Variants in PRSS56 observed in about 807,000 individuals in gnomAD.
PRSS56 encodes protease, serine 56.
Under a neutral mutation model 66.8 loss-of-function variants are expected in PRSS56, and 55 were observed. The ratio of observed to expected loss-of-function variants is 0.82; its 90% CI spans 0.66 to 1.03. PRSS56 has a LOEUF of 1.03. Ranked by LOEUF, PRSS56 falls within the 50% of genes least tolerant of loss-of-function variation. PRSS56 has a pLI of 0.00. For synonymous variants in PRSS56, 409 were observed against 387.9 expected (o/e 1.05, Z -0.64); for missense variants, 869 against 837.2 (o/e 1.04, Z -0.47).
chr2:232,523,704 C>T, intron 8 of PRSS56, 68 bp from the exon 9 acceptor site: 5 of 1,527,302 alleles, frequency 3.3e-6, no homozygotes, highest in East Asian at 2.5e-5. Flanking sequence ...TGTCTCCTTC[C>T]GGGGAAGGAG....
chr2:232,522,480 T>A, intron 4 of PRSS56, 35 bp from the exon 5 acceptor site: 1 of 1,506,020 alleles, frequency 6.6e-7, no homozygotes, highest in Non-Finnish European at 8.9e-7. Context: ...TGTGCCCCTG[T>A]CCTTCCTGCG....
chr2:232,523,523 CG>C lies in PRSS56; in HGVS notation c.961del (p.Val321SerfsTer16), dbSNP rs779695467. On this transcript the variant is annotated frameshift_variant, in exon 8 of 13. Coordinates refer to ENST00000617714, the MANE Select transcript of PRSS56 (RefSeq NM_001195129.2). LOFTEE classifies it high-confidence loss of function. Reference sequence around the variant, plus strand: ...ACGGCTGCGGGGAGCCAGGGAAGCCCGGGGTCTACACCCGCGTGGCAGTGTT... The same window carrying C: ...ACGGCTGCGGGGAGCCAGGGAAGCCCGGGTCTACACCCGCGTGGCAGTGTT... ...GDGCGEPGKP[G>X]VYTRVAVFKD... The C allele has an allele frequency of 1.9e-5, 29 of 1,532,822 alleles. No homozygotes were observed. The highest frequency in any genetic ancestry group is 1.8e-4 in the Middle Eastern group (1 of 5,574). The allele number at this position is 1,532,822 out of a possible 1,614,324, so 95.0% of individuals were successfully genotyped here.
At position 232,525,290 on chromosome 2, in the gene PRSS56, G is replaced by A. The variant is rs754483534; in HGVS notation, c.1596G>A (p.Arg532=). ...GGGTGCGGGCAGGCTTGGGGGGCCG[G>A]CATGTGGCCTTCAGCGGCCTGGTGG... ...RAWVRAGLGG[R]HVAFSGLVGL... Residue 532 remains arginine, a synonymous_variant, in exon 13 of 13, where the codon CGG becomes CGA. Transcript: ENST00000617714. 223 of 1,522,700 alleles carry A rather than the reference G, an allele frequency of 1.5e-4. No homozygotes were observed. Among genetic ancestry groups the A allele is most frequent in the Non-Finnish European group, 1.7e-4 (196 of 1,138,574 alleles). 94.3% of individuals were successfully genotyped at this position (1,522,700 alleles called of 1,614,324 possible).
chr2:232,520,504 G>C lies in PRSS56; in HGVS notation c.-95G>C. On this transcript the variant is annotated 5_prime_UTR_variant, in exon 1 of 13. Coordinates refer to ENST00000617714, the MANE Select transcript of PRSS56 (RefSeq NM_001195129.2). Reference sequence around the variant, plus strand: ...AGAATTCAGTGCCCGGGGGCCGAAAGGCAGCAGAAGGCGGGCACCAAAGGA... The same window carrying C: ...AGAATTCAGTGCCCGGGGGCCGAAACGCAGCAGAAGGCGGGCACCAAAGGA... 1.0e-6 allele frequency: 1 copy of C among 979,330 alleles called. No homozygotes were observed. Among genetic ancestry groups the C allele is most frequent in the South Asian group, 1.4e-5 (1 of 72,968 alleles). 60.7% of individuals were successfully genotyped at this position (979,330 alleles called of 1,614,324 possible).
chr2:232,520,760 C>A, intron 1 of PRSS56, 65 bp downstream of exon 1: 1 of 1,095,916 alleles, frequency 9.1e-7, no homozygotes, highest in Non-Finnish European at 1.3e-6. Context: ...GGACCCTGGG[C>A]GGGCGGGGAC....
intron 1 of PRSS56, among the ~76,000 whole-genome samples, chr2:232,521,073 A>T (rs1373755673): frequency 6.6e-6 from 1 of 152,246 alleles, no homozygotes; most frequent in African/African-American, 2.4e-5. Context: ...TCTTTAAAAA[A>T]AATTGTTAAG....
In PRSS56 at chr2:232,523,220, T is replaced by C; in HGVS notation, c.849+18T>C. The C allele has an allele frequency of 1.4e-6, 2 of 1,436,124 alleles. No homozygotes were observed. Among genetic ancestry groups the C allele is most frequent in the South Asian group, 2.9e-5 (2 of 68,196 alleles). 89.0% of individuals were successfully genotyped at this position (1,436,124 alleles called of 1,614,324 possible). A position where few individuals can be genotyped will look rare whatever the true frequency, so the allele number is the denominator to read the frequency against. ...CGTGCCAGGTATGAACCCAGTCTGA[T>C]GAGAAAAGGCCGGCTGAGCCTTCCC... On this transcript the variant is annotated intron_variant, in intron 7 of 12. Transcript: ENST00000617714.
intron 2 of PRSS56, 97 bp from the exon 3 acceptor site, chr2:232,521,719 C>T (rs1160279761): frequency 7.3e-6 from 9 of 1,234,474 alleles, no homozygotes; most frequent in South Asian, 1.4e-5. Context: ...GAGGGCTGAG[C>T]GCGAAAGGAG....
At chr2:232,523,731 CCAAA>C (rs1371349037) in intron 8 of PRSS56, 37 bp from the exon 9 acceptor site, 1 of 1,533,432 alleles carries the variant, frequency 6.5e-7, no homozygotes, top group African/African-American at 1.4e-5. Context: ...GGCTAGGGCC[CCAAA>C]CAGAGGGTGA....
intron 8 of PRSS56, 93 bp downstream of exon 8, chr2:232,523,671 C>A: frequency 1.3e-6 from 2 of 1,515,272 alleles, no homozygotes; most frequent in Admixed American, 2.0e-5. Flanking sequence ...CCATTCCCAG[C>A]TCCCTTCTGC....
Position 232,521,314 on chromosome 2 carries a change from CCAG to C in PRSS56, c.98-3_98-1del. ...CACGCATGATTGTGTGCCCCCTGTCCCAGCAGTTCTGTCGGCCCAGGGGACTCA... is the reference window on the plus strand; with the variant it reads ...CACGCATGATTGTGTGCCCCCTGTCCCAGTTCTGTCGGCCCAGGGGACTCA... On this transcript the variant is annotated splice_polypyrimidine_tract_variant and splice_region_variant and intron_variant, in intron 1 of 12. Coordinates refer to ENST00000617714, the MANE Select transcript of PRSS56 (RefSeq NM_001195129.2). The C allele has an allele frequency of 6.5e-7, 1 of 1,534,304 alleles. No homozygotes were observed.
rs1297628742 is a variant in PRSS56, at chr2:232,520,552, CGAG to C, written c.-40_-38del. The stretch of plus-strand genomic sequence containing the variant: ...GGATAGGCACCCGGAAGGTGGACTC[CGAG>C]GAGGAGAGAGGACAGGGGTCTCTCA... On this transcript the variant is annotated 5_prime_UTR_variant, in exon 1 of 13. Transcript: ENST00000617714. 2 of 1,474,604 alleles carry C rather than the reference CGAG, an allele frequency of 1.4e-6. No individual in the cohort carries two copies. Among genetic ancestry groups the C allele is most frequent in the South Asian group, 2.4e-5 (2 of 82,790 alleles). 91.3% of individuals were successfully genotyped at this position (1,474,604 alleles called of 1,614,324 possible).
At position 232,525,518 on chromosome 2, in the gene PRSS56, G is replaced by C; in HGVS notation, c.*12G>C. 1 of 1,348,962 alleles carries C rather than the reference G, an allele frequency of 7.4e-7. No individual in the cohort carries two copies. The highest frequency in any genetic ancestry group is 9.6e-7 in the Non-Finnish European group (1 of 1,038,932). The allele number at this position is 1,348,962 out of a possible 1,614,324, so 83.6% of individuals were successfully genotyped here. A position where few individuals can be genotyped will look rare whatever the true frequency, so the allele number is the denominator to read the frequency against. ...CCAGGCAACCCTGAGCCATGTCTGGGCCCCCAGCCCCTGGGGAGGACCTAC... is the reference window on the plus strand; with the variant it reads ...CCAGGCAACCCTGAGCCATGTCTGGCCCCCCAGCCCCTGGGGAGGACCTAC... On this transcript the variant is annotated 3_prime_UTR_variant, in exon 13 of 13. Coordinates refer to ENST00000617714, the MANE Select transcript of PRSS56 (RefSeq NM_001195129.2).
At position 232,524,732 on chromosome 2, in the gene PRSS56, C is replaced by A. The variant is rs1422316852; in HGVS notation, c.1415-6C>A. 7 of 1,512,766 alleles carry A rather than the reference C, an allele frequency of 4.6e-6. No homozygotes were observed. Among genetic ancestry groups the A allele is most frequent in the Non-Finnish European group, 6.2e-6 (7 of 1,129,684 alleles). 93.7% of individuals were successfully genotyped at this position (1,512,766 alleles called of 1,614,324 possible). ...ATTATTCCCGGGGCCTCTCCTCTTC[C>A]TCCAGGCTGCCCTGGGCTGGAGCCC... On this transcript the variant is annotated splice_polypyrimidine_tract_variant and splice_region_variant and intron_variant, in intron 11 of 12. Transcript: ENST00000617714.
chr2:232,524,609 T>C (rs1159659800), intron 11 of PRSS56, 129 bp from the exon 12 acceptor site: 2 of 747,750 alleles, frequency 2.7e-6, no homozygotes, highest in Non-Finnish European at 4.2e-6. Flanking sequence ...GAGCCTCAGT[T>C]TCCCCACCTA....
chr2:232,521,724 A>AT, intron 2 of PRSS56, 92 bp from the exon 3 acceptor site: 1 of 1,303,876 alleles, frequency 7.7e-7, no homozygotes, highest in Non-Finnish European at 1.1e-6. Flanking sequence ...CTGAGCGCGA[A>AT]AGGAGAGATG....
At chr2:232,523,982 A>G (rs2106202302) in intron 9 of PRSS56, 37 bp downstream of exon 9, 1 of 1,522,150 alleles carries the variant, frequency 6.6e-7, no homozygotes, top group Non-Finnish European at 8.8e-7. Flanking sequence ...CGGGGGGCAG[A>G]GGGGAGGGGG....
Position 232,520,585 on chromosome 2 carries a change from A to C in PRSS56, c.-14A>C, listed in dbSNP as rs1329690656. ...AGAGAGGACAGGGGTCTCTCACCCC[A>C]GCTCCTGGTCACCATGCTGCTGGCT... On this transcript the variant is annotated 5_prime_UTR_variant, in exon 1 of 13. Transcript: ENST00000617714. The C allele has an allele frequency of 1.2e-5, 18 of 1,535,186 alleles. No homozygotes were observed. The East Asian group carries it at 4.2e-4, about 35-fold the overall frequency.
Position 232,523,436 on chromosome 2 carries a change from G to T in PRSS56, c.870G>T (p.Leu290=). The T allele has an allele frequency of 6.7e-7, 1 of 1,482,436 alleles. No homozygotes were observed. Among genetic ancestry groups the T allele is most frequent in the Non-Finnish European group, 8.9e-7 (1 of 1,120,364 alleles). 91.8% of individuals were successfully genotyped at this position (1,482,436 alleles called of 1,614,324 possible). A position where few individuals can be genotyped will look rare whatever the true frequency, so the allele number is the denominator to read the frequency against. The change falls in exon 8 of 13, where the codon CTG becomes CTT. Residue 290 remains leucine, a synonymous_variant. Coordinates refer to ENST00000617714, the MANE Select transcript of PRSS56 (RefSeq NM_001195129.2). ...CGCAGGGTGACTCGGGAGGCCCCCT[G>T]ACCTGTTCTGAGCCTGGCCCCCGCC... ...DSCQGDSGGP[L]TCSEPGPRPR...
Sources: allele counts gnomAD v4.1 joint callset (sites outside exome capture counted in the v4.1 genomes callset), GRCh38; gene constraint gnomAD v4.1.1; transcripts MANE v1.5; gene names NCBI Gene and HGNC (gene_info 2026-07-23, HGNC 2026-07-21).